Variants in NEMF observed in about 807,000 individuals in gnomAD.
The protein encoded by NEMF is nuclear export mediator factor, also known as ribosome quality control complex subunit NEMF.
In NEMF, 89 loss-of-function variants were observed where a neutral mutation model predicts 162.2. That is an observed-to-expected ratio of 0.55 (90% CI 0.46 to 0.65). The LOEUF (loss-of-function observed/expected upper bound fraction) is 0.65. Among genes scored for constraint, NEMF ranks in the 30% least tolerant of loss-of-function variants. The pLI is 0.00. For synonymous variants in NEMF, 421 were observed against 404.5 expected (o/e 1.04, Z -0.49); for missense variants, 1,133 against 1,261.9 (o/e 0.90, Z 1.55).
Position 49,806,078 on chromosome 14 carries a change from G to A in NEMF, c.1800C>T (p.Tyr600=), listed in dbSNP as rs1171721453. 1 of 1,611,954 alleles carries A rather than the reference G, an allele frequency of 6.2e-7. No individual in the cohort carries two copies. Among genetic ancestry groups the A allele is most frequent in the Non-Finnish European group, 8.5e-7 (1 of 1,179,302 alleles). ...TAACTCGTGCATCCCAAGCAGCACT[G>A]TAGCAAAGTGCCATTGTGCCAGCTT... ...LTEAGTMALC[Y]SAAWDARVIT... The change falls in exon 19 of 33, where the codon TAC becomes TAT. Residue 600 remains tyrosine, a synonymous_variant. Transcript: ENST00000298310.
At position 49,785,110 on chromosome 14, in the gene NEMF, C is replaced by G; in HGVS notation, c.3055G>C (p.Val1019Leu). The G allele has an allele frequency of 1.2e-6, 2 of 1,606,064 alleles. No homozygotes were observed. The highest frequency in any genetic ancestry group is 1.7e-6 in the Non-Finnish European group (2 of 1,172,864). ...TAAATACCTTTTCCCTTTTTCTGCACTCCAGGAGTAAGTTTCACTTTATAT... is the reference window on the plus strand; with the variant it reads ...TAAATACCTTTTCCCTTTTTCTGCAGTCCAGGAGTAAGTTTCACTTTATAT... The part of the protein sequence containing the change: ...YKYKVKLTPG[V>L]QKKGKAAKTA... The change falls in exon 31 of 33, where the codon GTG becomes CTG. Residue 1019 changes from valine to leucine, a missense_variant. Transcript: ENST00000298310.
At chr14:49,799,603 CG>C (rs1566658592) in intron 24 of NEMF, 32 bp downstream of exon 24, 1 of 1,598,312 alleles carries the variant, frequency 6.3e-7, no homozygotes, top group Non-Finnish European at 8.5e-7. Flanking sequence ...CACTGAGAAT[CG>C]GATGTTCTTC....
chr14:49,789,390 T>C, intron 27 of NEMF, 47 bp from the exon 28 acceptor site: 2 of 1,610,634 alleles, frequency 1.2e-6, no homozygotes, highest in Non-Finnish European at 1.7e-6. Context: ...TTTTCAATAC[T>C]GTGAATATTT....
At chr14:49,834,498 T>A in intron 6 of NEMF, 49 bp from the exon 7 acceptor site, 1 of 1,345,038 alleles carries the variant, frequency 7.4e-7, no homozygotes, top group Non-Finnish European at 1.1e-6. Flanking sequence ...TAAATTCTTT[T>A]TTGTTTTTGT....
intron 17 of NEMF, 86 bp downstream of exon 17, chr14:49,814,668 G>C (rs1049908765): frequency 1.5e-6 from 1 of 664,664 alleles, no homozygotes; most frequent in Non-Finnish European, 2.6e-6. Context: ...AAACAGAAGA[G>C]TATAACAAGA....
intron 4 of NEMF, among the ~76,000 whole-genome samples, chr14:49,841,539 A>G (rs1893209158): frequency 6.9e-6 from 1 of 144,392 alleles, no homozygotes; most frequent in African/African-American, 2.6e-5. Context: ...GAGCCATTGC[A>G]CTCCAGCCTG....
intron 3 of NEMF, among the ~76,000 whole-genome samples, chr14:49,850,704 GAGTATTCCAAAAAAAAAA>G: frequency 6.6e-6 from 1 of 150,420 alleles, no homozygotes; most frequent in African/African-American, 2.4e-5. Flanking sequence ...TAATGTCAGT[GAGTATTCCAAAAAAAAAA>G]AAATACTGAC....
intron 18 of NEMF, among the ~76,000 whole-genome samples, chr14:49,811,857 T>C (rs1340840848): frequency 6.6e-6 from 1 of 152,226 alleles, no homozygotes; most frequent in Non-Finnish European, 1.5e-5. Context: ...TTGTCAAAGA[T>C]TTTTGTCTAT....
intron 18 of NEMF, among the ~76,000 whole-genome samples, chr14:49,808,574 C>A (rs1382604947): frequency 1.3e-5 from 2 of 152,036 alleles, no homozygotes; most frequent in Non-Finnish European, 2.9e-5. Context: ...GATACAAGAT[C>A]ATAAAAATTT....
intron 4 of NEMF, 28 bp from the exon 5 acceptor site, chr14:49,840,894 G>C: frequency 6.3e-7 from 1 of 1,596,320 alleles, no homozygotes; most frequent in Non-Finnish European, 8.5e-7. Context: ...ACAATTTAGC[G>C]CTCTTTCAAA....
At chr14:49,800,366 T>TC in intron 23 of NEMF, 54 bp downstream of exon 23, 3 of 1,269,270 alleles carry the variant, frequency 2.4e-6, no homozygotes, top group Non-Finnish European at 3.3e-6. Flanking sequence ...AAGGATTACC[T>TC]CATCATCATT....
At chr14:49,847,415 G>A (rs1893557786) in intron 3 of NEMF, among the ~76,000 whole-genome samples, 2 of 150,932 alleles carry the variant, frequency 1.3e-5, no homozygotes, top group Non-Finnish European at 3.0e-5. Flanking sequence ...CGTTGCCCAG[G>A]CTGGTCTCGA....
chr14:49,783,184 C>T lies in NEMF; in HGVS notation c.*1452G>A. ...TAAAGTAATGGTTGGGCTTTTTACC[C>T]TGAAGAATGGTTGCTACATTTTCTT... is the stretch of plus-strand genomic sequence containing the variant. On this transcript the variant is annotated 3_prime_UTR_variant, in exon 33 of 33. Transcript: ENST00000298310. 3.0e-6 allele frequency: 1 copy of T among 338,060 alleles called. No individual in the cohort carries two copies. The highest frequency in any genetic ancestry group is 5.3e-6 in the Non-Finnish European group (1 of 188,632). 20.9% of individuals were successfully genotyped at this position (338,060 alleles called of 1,614,324 possible). A position where few individuals can be genotyped will look rare whatever the true frequency, so the allele number is the denominator to read the frequency against.
chr14:49,814,819 T>C lies in NEMF; in HGVS notation c.1616A>G (p.Tyr539Cys). The change falls in exon 17 of 33, where the codon TAT (tyrosine) becomes TGT (cysteine). Residue 539 changes from tyrosine to cysteine, a missense_variant. Physicochemically the swap from Tyr to Cys is radical, Grantham distance 194. Transcript: ENST00000298310. Reference protein sequence around the residue: ...KFLWFISSENYLIIGGRDQQQ... With the variant: ...KFLWFISSENCLIIGGRDQQQ... ...CTGATCTCGTCCACCTATAATTAGATAGTTCTCTGAGCTAATGAACCACAG... is the reference window on the plus strand; with the variant it reads ...CTGATCTCGTCCACCTATAATTAGACAGTTCTCTGAGCTAATGAACCACAG... 6.3e-6 allele frequency: 10 copies of C among 1,593,694 alleles called. No individual in the cohort carries two copies. Among genetic ancestry groups the C allele is most frequent in the Non-Finnish European group, 8.5e-6 (10 of 1,172,966 alleles).
At position 49,846,025 on chromosome 14, in the gene NEMF, G is replaced by A. The variant is rs1012861101; in HGVS notation, c.357+115C>T. 13 of 774,068 alleles carry A rather than the reference G, an allele frequency of 1.7e-5. No individual in the cohort carries two copies. The African/African-American group carries it at 1.9e-4, about 12-fold the overall frequency. The allele number at this position is 774,068 out of a possible 1,614,324, so 47.9% of individuals were successfully genotyped here. On this transcript the variant is annotated intron_variant, in intron 4 of 32. Coordinates refer to ENST00000298310, the MANE Select transcript of NEMF (RefSeq NM_004713.6). ...ATTTGTGTGGCACCCATTTCCTAGG[G>A]TAGTAACAACCTTTGACACAGAAAA...
At chr14:49,787,173 T>G (rs546303662) in intron 28 of NEMF, 1 of 165,108 alleles carries the variant, frequency 6.1e-6, no homozygotes, top group Non-Finnish European at 1.3e-5. Context: ...TTGGATAAAT[T>G]TTTCCCATAT....
intron 22 of NEMF, among the ~76,000 whole-genome samples, chr14:49,802,101 G>A (rs1405873434): frequency 6.6e-6 from 1 of 151,706 alleles, no homozygotes; most frequent in East Asian, 1.9e-4. Context: ...GGGACTATAG[G>A]CGCTCACAAC....
At chr14:49,839,542 G>A in intron 5 of NEMF, 1 of 152,220 alleles carries the variant, frequency 6.6e-6, no homozygotes, top group East Asian at 1.9e-4. Context: ...CAAAAATACA[G>A]CTACAATCAT....
chr14:49,799,352 C>A, intron 25 of NEMF, 123 bp downstream of exon 25: 1 of 771,670 alleles, frequency 1.3e-6, no homozygotes, highest in African/African-American at 2.0e-5. Context: ...AACATTTGTG[C>A]TAAATCTTGG....
Sources: gnomAD v4.1 joint callset for allele counts (sites outside exome capture counted in the v4.1 genomes callset) on GRCh38, gnomAD v4.1.1 for gene constraint, MANE v1.5 for transcripts, NCBI Gene and HGNC (gene_info 2026-07-23, HGNC 2026-07-21) for gene names.